HDGFL3: variants seen among roughly 807,000 people sequenced by gnomAD.
The protein encoded by HDGFL3 is HDGF like 3, also known as hepatoma-derived growth factor-related protein 3.
Under a neutral mutation model 27.6 loss-of-function variants are expected in HDGFL3, and 6 were observed. The ratio of observed to expected loss-of-function variants is 0.22; its 90% CI spans 0.12 to 0.43. The LOEUF (loss-of-function observed/expected upper bound fraction) is 0.43. HDGFL3 is among the 20% of genes least tolerant of loss of function. The pLI is 1.00. For missense variants in HDGFL3, 207 were observed against 250.1 expected (o/e 0.83, Z 1.16); for synonymous variants, 88 against 88.9 (o/e 0.99, Z 0.05).
intron 4 of HDGFL3, among the ~76,000 whole-genome samples, chr15:83,156,145 C>T (rs1279938186): frequency 3.3e-5 from 5 of 152,144 alleles, no homozygotes; most frequent in African/African-American, 1.2e-4. Context: ...TCTTTCAATA[C>T]AGGAAAAACA....
chr15:83,188,006 T>C (rs1293938988), intron 1 of HDGFL3, among the ~76,000 whole-genome samples: 1 of 152,202 alleles, frequency 6.6e-6, no homozygotes, highest in African/African-American at 2.4e-5. Flanking sequence ...TAGAGGTATT[T>C]TCCATTTTAG....
chr15:83,121,902 TTTG>T (rs756577377), intron 3 of HDGFL3: 196 of 1,572,866 alleles, frequency 1.2e-4, no homozygotes, highest in Non-Finnish European at 1.6e-4. Context: ...TCAAGATTTT[TTTG>T]TTGTTGTTGT....
intron 1 of HDGFL3, among the ~76,000 whole-genome samples, chr15:83,170,446 T>G (rs1357499353): frequency 6.6e-6 from 1 of 151,998 alleles, no homozygotes; most frequent in African/African-American, 2.4e-5. Flanking sequence ...TTTGACAAAG[T>G]GGACAAAAAT....
At chr15:83,190,032 C>T (rs533225135) in intron 1 of HDGFL3, among the ~76,000 whole-genome samples, 2 of 151,794 alleles carry the variant, frequency 1.3e-5, no homozygotes, top group East Asian at 3.9e-4. Context: ...ATAGTGAGAC[C>T]TCATCTCTAC....
intron 5 of HDGFL3, among the ~76,000 whole-genome samples, chr15:83,142,829 A>G (rs762034383): frequency 6.6e-6 from 1 of 152,220 alleles, no homozygotes; most frequent in Non-Finnish European, 1.5e-5. Flanking sequence ...AGACATTAAA[A>G]AGATTTGCAA....
chr15:83,172,389 T>C (rs1191462291), intron 1 of HDGFL3, among the ~76,000 whole-genome samples: 2 of 152,180 alleles, frequency 1.3e-5, no homozygotes, highest in Non-Finnish European at 2.9e-5. Context: ...ACTCACCTCC[T>C]GCACAGTTGA....
intron 2 of HDGFL3, among the ~76,000 whole-genome samples, chr15:83,160,841 A>G (rs2037093392): frequency 2.0e-5 from 3 of 152,138 alleles, no homozygotes; most frequent in Admixed American, 2.0e-4. Context: ...AAGTTCATTA[A>G]AACTCCTGGG....
At chr15:83,180,980 G>T (rs536783936) in intron 1 of HDGFL3, 1 of 151,986 alleles carries the variant, frequency 6.6e-6, no homozygotes, top group East Asian at 1.9e-4. Context: ...CTGCAAGCAT[G>T]ATGATATGGA....
chr15:83,191,661 G>A (rs1456348740), intron 1 of HDGFL3, among the ~76,000 whole-genome samples: 1 of 152,078 alleles, frequency 6.6e-6, no homozygotes, highest in Non-Finnish European at 1.5e-5. Flanking sequence ...CTGTTATTAA[G>A]GTGAGGAAAA....
chr15:83,163,998 C>T lies in HDGFL3; in HGVS notation c.161+1G>A. ...TGTTGAAACTATTTTTGCTAACTTA[C>T]GTTTCATGGGTGCCAAAAAAGAAGA... On this transcript the variant is annotated splice_donor_variant, in intron 2 of 5. Transcript: ENST00000299633. LOFTEE classifies it high-confidence loss of function. 2 of 1,610,560 alleles carry T rather than the reference C, an allele frequency of 1.2e-6. No individual in the cohort carries two copies. The highest frequency in any genetic ancestry group is 2.2e-5 in the East Asian group (1 of 44,768).
intron 1 of HDGFL3, chr15:83,184,605 C>T (rs1054526556): frequency 1.3e-5 from 2 of 152,120 alleles, no homozygotes; most frequent in Non-Finnish European, 2.9e-5. Flanking sequence ...CTTCCTTTCC[C>T]TTTCCCATTC....
In HDGFL3 at chr15:83,193,132, A is replaced by G. The variant is rs183016900; in HGVS notation, c.84+14199T>C. ...TAAATTACAATAAGCACAAAAATCA[A>G]GAGTAAAAAAAAGCAATCCGTGCAA... On this transcript the variant is annotated intron_variant, in intron 1 of 5. Coordinates refer to ENST00000299633, the MANE Select transcript of HDGFL3 (RefSeq NM_016073.4). Among the ~76,000 whole-genome samples, 61 of 152,326 alleles carry G rather than the reference A, an allele frequency of 4.0e-4. 1 individual carries two copies. The East Asian group carries it at 8.3e-3, about 21-fold the overall frequency.
At chr15:83,180,062 T>C (rs1055594284) in intron 1 of HDGFL3, among the ~76,000 whole-genome samples, 1 of 151,138 alleles carries the variant, frequency 6.6e-6, no homozygotes, top group Non-Finnish European at 1.5e-5. Flanking sequence ...GCTGAAACAG[T>C]AGATGCCAAA....
At chr15:83,141,155 TCTGA>T (rs1271970175) in intron 5 of HDGFL3, among the ~76,000 whole-genome samples, 6 of 152,342 alleles carry the variant, frequency 3.9e-5, no homozygotes, top group African/African-American at 1.2e-4. Context: ...GACATGGTAC[TCTGA>T]CTGTCTCCTA....
At chr15:83,179,755 A>G (rs576917759) in intron 1 of HDGFL3, 2 of 152,216 alleles carry the variant, frequency 1.3e-5, no homozygotes, top group East Asian at 1.9e-4. Context: ...AATATTCAGT[A>G]TATGTTTGTC....
In HDGFL3 at chr15:83,169,414, CAAAAAAAAAAAAAAAAAA is replaced by C. The variant is rs58159581; in HGVS notation, c.85-5357_85-5340del. Among the ~76,000 whole-genome samples, 282 of 35,602 alleles carry C rather than the reference CAAAAAAAAAAAAAAAAAA, an allele frequency of 7.9e-3. 4 individuals carry two copies. Among genetic ancestry groups the C allele is most frequent in the African/African-American group, 0.02 (233 of 11,580 alleles). The allele number at this position is 35,602 out of a possible 152,430, so 23.4% of individuals were successfully genotyped here. ...TGGGCGACAGAGCGAGACTCCGTCT[CAAAAAAAAAAAAAAAAAA>C]AAAAAAAAAAAAAAAGAAAGAAAAG... On this transcript the variant is annotated intron_variant, in intron 1 of 5. Transcript: ENST00000299633.
At chr15:83,147,854 C>T (rs2036917401) in intron 5 of HDGFL3, among the ~76,000 whole-genome samples, 1 of 152,146 alleles carries the variant, frequency 6.6e-6, no homozygotes, top group South Asian at 2.1e-4. Flanking sequence ...AAGCCATAAA[C>T]TTGGAGAGGA....
Position 83,196,198 on chromosome 15 carries a change from T to G in HDGFL3, c.84+11133A>C, listed in dbSNP as rs374337688. On this transcript the variant is annotated intron_variant, in intron 1 of 5. Transcript: ENST00000299633. The stretch of plus-strand genomic sequence containing the variant: ...ATTAGTAAATATCAATATATTTATA[T>G]TTGTCCATTATATTTATTGACTTAT... Among the ~76,000 whole-genome samples the G allele has an allele frequency of 5.9e-4, 90 of 152,000 alleles. 1 individual carries two copies. The East Asian group carries it at 0.016, about 27-fold the overall frequency.
At chr15:83,126,619 G>C, downstream of HDGFL3, 1 of 637,370 alleles carries the variant, frequency 1.6e-6, no homozygotes, top group East Asian at 2.8e-5. Context: ...TTCCATCATT[G>C]ATGAGCCTCT....
Sources: gnomAD v4.1 joint callset for allele counts (sites outside exome capture counted in the v4.1 genomes callset) on GRCh38, gnomAD v4.1.1 for gene constraint, MANE v1.5 for transcripts, NCBI Gene and HGNC (gene_info 2026-07-23, HGNC 2026-07-21) for gene names.